SPIDR: variants seen among roughly 807,000 people sequenced by gnomAD.
SPIDR encodes scaffold protein involved in DNA repair, also known as DNA repair-scaffolding protein.
Under a neutral mutation model 104.6 loss-of-function variants are expected in SPIDR, and 93 were observed. The observed-to-expected ratio is 0.89, with a 90% confidence interval of 0.75 to 1.06. SPIDR has a LOEUF of 1.06. SPIDR is among the 50% of genes least tolerant of loss of function. The pLI, the probability that SPIDR is intolerant of heterozygous loss-of-function variation, is 0.00. For synonymous variants in SPIDR, 431 were observed against 416.9 expected (o/e 1.03, Z -0.41); for missense variants, 1,154 against 1,111.2 (o/e 1.04, Z -0.55).
chr8:47,425,769 A>G (rs2066310941), intron 7 of SPIDR, among the ~76,000 whole-genome samples: 1 of 152,196 alleles, frequency 6.6e-6, no homozygotes, highest in African/African-American at 2.4e-5. Flanking sequence ...AGTGAGTACA[A>G]CTTAAACCTT....
intron 16 of SPIDR, among the ~76,000 whole-genome samples, chr8:47,719,374 T>C (rs1381520717): frequency 6.6e-6 from 1 of 152,114 alleles, no homozygotes; most frequent in Admixed American, 6.5e-5. Context: ...CTGGGCATGG[T>C]GGCAGGCACC....
chr8:47,686,267 G>C (rs1284677901), intron 11 of SPIDR, among the ~76,000 whole-genome samples: 1 of 152,148 alleles, frequency 6.6e-6, no homozygotes, highest in Admixed American at 6.5e-5. Flanking sequence ...CTACCATGGG[G>C]ACACTGGGTA....
chr8:47,319,164 G>T (rs1289440124), intron 5 of SPIDR, among the ~76,000 whole-genome samples: 3 of 152,156 alleles, frequency 2.0e-5, no homozygotes, highest in Non-Finnish European at 2.9e-5. Flanking sequence ...TGGATAAAGA[G>T]TCAAGACCCA....
chr8:47,314,383 T>A (rs186397950), intron 5 of SPIDR, among the ~76,000 whole-genome samples: 5 of 152,302 alleles, frequency 3.3e-5, no homozygotes, highest in Admixed American at 3.3e-4. Flanking sequence ...TGTGTGTCAG[T>A]CTGTTCTCAT....
intron 8 of SPIDR, among the ~76,000 whole-genome samples, chr8:47,538,360 A>G (rs2087348563): frequency 6.6e-6 from 1 of 152,126 alleles, no homozygotes; most frequent in Non-Finnish European, 1.5e-5. Flanking sequence ...CCTGGCCAAC[A>G]TGGTGAAACC....
At chr8:47,436,469 C>T (rs2068343321) in intron 7 of SPIDR, among the ~76,000 whole-genome samples, 1 of 152,212 alleles carries the variant, frequency 6.6e-6, no homozygotes, top group Admixed American at 6.5e-5. Context: ...CACCTGTAAT[C>T]CCAGCACTTT....
At chr8:47,712,030 G>C (rs554750836) in intron 14 of SPIDR, among the ~76,000 whole-genome samples, 1 of 152,266 alleles carries the variant, frequency 6.6e-6, no homozygotes, top group East Asian at 1.9e-4. Flanking sequence ...TGGCCCTGCT[G>C]ACCATCCTTG....
intron 9 of SPIDR, 39 bp from the exon 10 acceptor site, chr8:47,598,907 G>T: frequency 4.4e-6 from 7 of 1,609,082 alleles, no homozygotes; most frequent in Non-Finnish European, 6.0e-6. Flanking sequence ...CTGAAACTTT[G>T]TGAGTCTTGA....
chr8:47,486,032 G>T (rs1280719548), intron 8 of SPIDR, among the ~76,000 whole-genome samples: 2 of 152,196 alleles, frequency 1.3e-5, no homozygotes, highest in Non-Finnish European at 2.9e-5. Flanking sequence ...AGAGATGAAG[G>T]CTTCAGATGA....
intron 5 of SPIDR, among the ~76,000 whole-genome samples, chr8:47,334,679 A>G (rs782358567): frequency 6.6e-6 from 1 of 152,196 alleles, no homozygotes; most frequent in Admixed American, 6.5e-5. Context: ...CTTGTAGACA[A>G]CATGCAGTTG....
At chr8:47,391,734 C>T (rs1010130713) in intron 5 of SPIDR, among the ~76,000 whole-genome samples, 1 of 151,924 alleles carries the variant, frequency 6.6e-6, no homozygotes, top group African/African-American at 2.4e-5. Flanking sequence ...TGGTGGCTCA[C>T]GCCTGTAATC....
At chr8:47,324,022 A>G (rs1439201085) in intron 5 of SPIDR, among the ~76,000 whole-genome samples, 1 of 152,214 alleles carries the variant, frequency 6.6e-6, no homozygotes, top group Non-Finnish European at 1.5e-5. Flanking sequence ...AGTGCTAAAA[A>G]GTTATAATCC....
intron 10 of SPIDR, among the ~76,000 whole-genome samples, chr8:47,639,065 A>G (rs576954319): frequency 6.6e-6 from 1 of 152,376 alleles, no homozygotes; most frequent in African/African-American, 2.4e-5. Flanking sequence ...AGGTATTTTA[A>G]CTACCAATTG....
intron 8 of SPIDR, among the ~76,000 whole-genome samples, chr8:47,488,425 A>G (rs1279955514): frequency 6.6e-6 from 1 of 152,228 alleles, no homozygotes; most frequent in Non-Finnish European, 1.5e-5. Context: ...CCAGAGGTAC[A>G]AGGAGGAGCT....
chr8:47,305,430 C>T (rs1028866896), intron 5 of SPIDR, among the ~76,000 whole-genome samples: 1 of 151,974 alleles, frequency 6.6e-6, no homozygotes, highest in South Asian at 2.1e-4. Context: ...ATTTGAAATA[C>T]GGATTCATTT....
chr8:47,615,868 A>G (rs972594524), intron 10 of SPIDR, among the ~76,000 whole-genome samples: 3 of 152,052 alleles, frequency 2.0e-5, no homozygotes, highest in Non-Finnish European at 4.4e-5. Flanking sequence ...TCTTTCAGAA[A>G]TGTTTTGGAG....
At chr8:47,464,493 G>A (rs1186073692) in intron 8 of SPIDR, among the ~76,000 whole-genome samples, 1 of 152,126 alleles carries the variant, frequency 6.6e-6, no homozygotes, top group Non-Finnish European at 1.5e-5. Context: ...CTGGGCTGAA[G>A]GGATAGGAAG....
intron 8 of SPIDR, among the ~76,000 whole-genome samples, chr8:47,466,706 C>CAAAAA (rs78296344): frequency 2.0e-4 from 27 of 134,998 alleles, no homozygotes; most frequent in African/African-American, 5.3e-4. Flanking sequence ...ACGAAAAATA[C>CAAAAA]AAAAAAAAAA....
intron 11 of SPIDR, among the ~76,000 whole-genome samples, chr8:47,698,853 T>C (rs2079713194): frequency 6.6e-6 from 1 of 152,200 alleles, no homozygotes. Flanking sequence ...CACTGTAGCA[T>C]GTGAGGGTCC....
Sources: allele counts gnomAD v4.1 joint callset (sites outside exome capture counted in the v4.1 genomes callset), GRCh38; gene constraint gnomAD v4.1.1; transcripts MANE v1.5; gene names NCBI Gene and HGNC (gene_info 2026-07-23, HGNC 2026-07-21).